PACS1: variants seen among roughly 807,000 people sequenced by gnomAD.
PACS1 encodes phosphofurin acidic cluster sorting protein 1, also known as PACS-1.
A neutral mutation model predicts 115.0 loss-of-function variants in PACS1; 24 were observed. The observed-to-expected ratio is 0.21, with a 90% CI of 0.15 to 0.29. PACS1 has a LOEUF of 0.29. PACS1 is among the 10% of genes least tolerant of loss of function. PACS1 has a pLI of 1.00. For synonymous variants in PACS1, 453 were observed against 504.5 expected (o/e 0.90, Z 1.37); for missense variants, 838 against 1,251.2 (o/e 0.67, Z 4.98).
intron 1 of PACS1, among the ~76,000 whole-genome samples, chr11:66,095,413 A>G (rs1857757796): frequency 6.6e-6 from 1 of 152,156 alleles, no homozygotes; most frequent in Admixed American, 6.5e-5. Flanking sequence ...ACAGACAAAC[A>G]GAGAGCCAAA....
At chr11:66,211,438 C>G (rs1855067383) in intron 4 of PACS1, among the ~76,000 whole-genome samples, 179 bp downstream of exon 4, 1 of 152,184 alleles carries the variant, frequency 6.6e-6, no homozygotes, top group South Asian at 2.1e-4. Flanking sequence ...TTATCAAATA[C>G]TGTCTCCTTC....
intron 1 of PACS1, among the ~76,000 whole-genome samples, chr11:66,132,237 T>G (rs1328567906): frequency 6.6e-6 from 1 of 152,064 alleles, no homozygotes; most frequent in Non-Finnish European, 1.5e-5. Context: ...AAATGGTGCT[T>G]TTTTCCTGCG....
intron 4 of PACS1, among the ~76,000 whole-genome samples, chr11:66,211,893 T>C (rs1334527657): frequency 6.6e-6 from 1 of 152,218 alleles, no homozygotes; most frequent in Non-Finnish European, 1.5e-5. Context: ...CCCTTCGGTC[T>C]GCAGCAGCCC....
chr11:66,098,536 G>A (rs1453458795), intron 1 of PACS1, among the ~76,000 whole-genome samples: 3 of 152,016 alleles, frequency 2.0e-5, no homozygotes, highest in African/African-American at 7.3e-5. Context: ...TTTATTTTCC[G>A]CCAGTTAAGG....
chr11:66,215,237 A>C (rs1855173939), intron 4 of PACS1, among the ~76,000 whole-genome samples: 1 of 151,420 alleles, frequency 6.6e-6, no homozygotes, highest in Admixed American at 6.6e-5. Context: ...TGGCCCGAGC[A>C]GCCATTTTCA....
rs186673924 is a variant in PACS1, at chr11:66,131,210, C to T, written c.356+60368C>T. ...CAGAGTATAATCATATTTAATTTCA[C>T]TAAGTAATGCATGATTGCTTAATTT... On this transcript the variant is annotated intron_variant, in intron 1 of 23. Coordinates refer to ENST00000320580, the MANE Select transcript of PACS1 (RefSeq NM_018026.4). Among the ~76,000 whole-genome samples, 552 of 152,326 alleles carry T rather than the reference C, an allele frequency of 3.6e-3. 2 individuals are homozygous for T. The highest frequency in any genetic ancestry group is 6.4e-3 in the Non-Finnish European group (433 of 68,032).
At chr11:66,193,394 C>T (rs1182316617) in intron 1 of PACS1, 92 bp from the exon 2 acceptor site, 1 of 807,636 alleles carries the variant, frequency 1.2e-6, no homozygotes, top group African/African-American at 1.7e-5. Flanking sequence ...CACATTCTTA[C>T]TTCAGGTAAG....
intron 2 of PACS1, among the ~76,000 whole-genome samples, chr11:66,203,464 A>T (rs1404809972): frequency 1.4e-5 from 2 of 147,400 alleles, no homozygotes; most frequent in African/African-American, 5.0e-5. Context: ...TCCCTATCAA[A>T]ATACCAATGA....
At chr11:66,115,278 G>A (rs958628397) in intron 1 of PACS1, among the ~76,000 whole-genome samples, 1 of 149,862 alleles carries the variant, frequency 6.7e-6, no homozygotes, top group Non-Finnish European at 1.5e-5. Flanking sequence ...TGGTTATAAT[G>A]AGTGCTTTAA....
intron 10 of PACS1, among the ~76,000 whole-genome samples, chr11:66,227,071 G>A (rs1855482705): frequency 6.6e-6 from 1 of 152,142 alleles, no homozygotes; most frequent in African/African-American, 2.4e-5. Context: ...TGGCTACCAT[G>A]GATGTCTTTA....
intron 1 of PACS1, among the ~76,000 whole-genome samples, chr11:66,073,168 T>C (rs1857340946): frequency 6.6e-6 from 1 of 152,198 alleles, no homozygotes; most frequent in South Asian, 2.1e-4. Context: ...GTGGAACACA[T>C]GTGCTCTTTG....
Position 66,235,985 on chromosome 11 carries a change from G to T in PACS1, c.2250+45G>T. ...GCTTGGCACCCCACCCGTTCTCCTGGTCTTCCTGTTCCCCCTTACACAGGA... is the reference window on the plus strand; with the variant it reads ...GCTTGGCACCCCACCCGTTCTCCTGTTCTTCCTGTTCCCCCTTACACAGGA... On this transcript the variant is annotated intron_variant, in intron 19 of 23. Coordinates refer to ENST00000320580, the MANE Select transcript of PACS1 (RefSeq NM_018026.4). The surrounding 1 kb of genome is among the most constrained non-coding windows in gnomAD (Gnocchi z 5.6). The T allele has an allele frequency of 6.5e-7, 1 of 1,539,618 alleles. No homozygotes were observed.
At chr11:66,071,052 C>A (rs1857300433) in intron 1 of PACS1, among the ~76,000 whole-genome samples, 1 of 152,160 alleles carries the variant, frequency 6.6e-6, no homozygotes, top group Non-Finnish European at 1.5e-5. Context: ...GCCGGGACCA[C>A]CCTTCTGTCC....
chr11:66,151,679 A>G (rs1859244190), intron 1 of PACS1, among the ~76,000 whole-genome samples: 1 of 152,214 alleles, frequency 6.6e-6, no homozygotes, highest in Non-Finnish European at 1.5e-5. Context: ...TACAATGCCA[A>G]GTTTTCAATC....
intron 1 of PACS1, among the ~76,000 whole-genome samples, chr11:66,073,798 G>T (rs1857351803): frequency 6.6e-6 from 1 of 151,638 alleles, no homozygotes; most frequent in South Asian, 2.1e-4. Flanking sequence ...CTGTCATCCA[G>T]GCTACAGTGT....
At chr11:66,104,459 A>G (rs1857989415) in intron 1 of PACS1, among the ~76,000 whole-genome samples, 1 of 152,206 alleles carries the variant, frequency 6.6e-6, no homozygotes. Flanking sequence ...ACTGGAATAC[A>G]ACCACACCCA....
At chr11:66,228,131 C>T (rs1002545554) in intron 11 of PACS1, among the ~76,000 whole-genome samples, 7 of 149,384 alleles carry the variant, frequency 4.7e-5, no homozygotes, top group Non-Finnish European at 1.0e-4. Flanking sequence ...CATGAGTGAG[C>T]CACAGTTTGC....
At chr11:66,138,053 G>A (rs1035004582) in intron 1 of PACS1, among the ~76,000 whole-genome samples, 7 of 151,910 alleles carry the variant, frequency 4.6e-5, no homozygotes, top group Admixed American at 4.6e-4. Context: ...TTCTGATTCA[G>A]TAGGTCTGGG....
intron 1 of PACS1, among the ~76,000 whole-genome samples, chr11:66,159,829 GC>G (rs1267014703): frequency 1.3e-5 from 2 of 152,222 alleles, no homozygotes; most frequent in Non-Finnish European, 2.9e-5. Flanking sequence ...CTGGCAACAT[GC>G]CCAGCTCATC....
Sources: gnomAD v4.1 joint callset for allele counts (sites outside exome capture counted in the v4.1 genomes callset) on GRCh38, gnomAD v4.1.1 for gene constraint, Gnocchi (gnomAD v3.1) non-coding constraint, MANE v1.5 for transcripts, NCBI Gene and HGNC (gene_info 2026-07-23, HGNC 2026-07-21) for gene names.